Variants in GRM7 observed in about 807,000 individuals in gnomAD.
The protein encoded by GRM7 is glutamate metabotropic receptor 7.
In GRM7, 35 loss-of-function variants were observed where a neutral mutation model predicts 84.5. The ratio of observed to expected loss-of-function variants is 0.41; its 90% CI spans 0.32 to 0.55. GRM7 has a LOEUF of 0.55. Among genes scored for constraint, GRM7 ranks in the 20% least tolerant of loss-of-function variants. The pLI is 0.19. For synonymous variants in GRM7, 487 were observed against 455.1 expected (o/e 1.07, Z -0.89); for missense variants, 1,003 against 1,194.6 (o/e 0.84, Z 2.36).
intron 1 of GRM7, among the ~76,000 whole-genome samples, chr3:7,034,594 G>A (rs1024611164): frequency 2.6e-5 from 4 of 152,116 alleles, no homozygotes; most frequent in African/African-American, 7.2e-5. Flanking sequence ...CCAGACTCTA[G>A]TAGTCATGTA....
intron 9 of GRM7, among the ~76,000 whole-genome samples, chr3:7,738,340 C>G (rs1452301582): frequency 6.6e-6 from 1 of 152,136 alleles, no homozygotes; most frequent in African/African-American, 2.4e-5. Flanking sequence ...TTGCTTGTTC[C>G]TCTGAGCCTC....
chr3:7,665,327 G>T (rs866295368), intron 8 of GRM7, among the ~76,000 whole-genome samples: 1 of 151,234 alleles, frequency 6.6e-6, no homozygotes, highest in Non-Finnish European at 1.5e-5. Flanking sequence ...GCCCGCCACC[G>T]CACCCGGCTA....
chr3:7,503,909 C>T (rs1699961930), intron 7 of GRM7, among the ~76,000 whole-genome samples: 1 of 152,038 alleles, frequency 6.6e-6, no homozygotes, highest in South Asian at 2.1e-4. Context: ...GCATTATTGC[C>T]TCACATGCTA....
At chr3:7,192,639 G>A (rs1024244407) in intron 2 of GRM7, among the ~76,000 whole-genome samples, 1 of 152,000 alleles carries the variant, frequency 6.6e-6, no homozygotes, top group Non-Finnish European at 1.5e-5. Flanking sequence ...GTTCCGATTT[G>A]TCCCTCTATC....
chr3:7,562,932 C>T (rs989155610), intron 7 of GRM7, among the ~76,000 whole-genome samples: 1 of 150,484 alleles, frequency 6.6e-6, no homozygotes, highest in African/African-American at 2.4e-5. Flanking sequence ...TCCTAAATAA[C>T]CTGTATAAAA....
intron 2 of GRM7, among the ~76,000 whole-genome samples, chr3:7,267,719 A>G (rs563214002): frequency 6.6e-6 from 1 of 152,286 alleles, no homozygotes; most frequent in African/African-American, 2.4e-5. Context: ...GGAAAGACGG[A>G]AAACGGGCAA....
chr3:7,440,343 C>A (rs573042831), intron 5 of GRM7, among the ~76,000 whole-genome samples: 1 of 152,208 alleles, frequency 6.6e-6, no homozygotes, highest in South Asian at 2.1e-4. Context: ...CTGGAAGTAA[C>A]GCAACATTTC....
At chr3:7,345,981 C>T (rs1323535673) in intron 4 of GRM7, among the ~76,000 whole-genome samples, 2 of 152,052 alleles carry the variant, frequency 1.3e-5, no homozygotes, top group South Asian at 2.1e-4. Context: ...AACTATGAAT[C>T]AAACTATATT....
chr3:7,007,765 A>T (rs1238884769), intron 1 of GRM7, among the ~76,000 whole-genome samples: 1 of 152,230 alleles, frequency 6.6e-6, no homozygotes, highest in South Asian at 2.1e-4. Context: ...TTCTTGAAGA[A>T]GAAAACACTA....
intron 1 of GRM7, among the ~76,000 whole-genome samples, chr3:7,070,636 G>C (rs1697839178): frequency 6.6e-6 from 1 of 151,996 alleles, no homozygotes; most frequent in South Asian, 2.1e-4. Flanking sequence ...CGGATGTCAA[G>C]GTGATTCCTT....
chr3:7,578,492 C>T lies in GRM7; in HGVS notation c.1586C>T (p.Pro529Leu). Residue 529 changes from proline (P) to leucine (L), a missense_variant, in exon 8 of 10, where the codon CCA (proline) becomes CTA (leucine). Pro to Leu is a moderately conservative substitution (Grantham distance 98). This residue lies in a region of GRM7 where 910 missense variants were observed against 1,126.0 expected (regional missense o/e 0.81). Transcript: ENST00000357716. ...TCAGTGTGCACACTACCATGTAAGC[C>T]AGGACAGAGAAAGAAGACACAGAAA... Reference protein sequence around the residue: ...PASVCTLPCKPGQRKKTQKGT... With the variant: ...PASVCTLPCKLGQRKKTQKGT... 1 of 1,613,898 alleles carries T rather than the reference C, an allele frequency of 6.2e-7. No individual in the cohort carries two copies. The highest frequency in any genetic ancestry group is 8.5e-7 in the Non-Finnish European group (1 of 1,179,868).
chr3:6,887,990 A>G (rs1695769987), intron 1 of GRM7, among the ~76,000 whole-genome samples: 1 of 152,154 alleles, frequency 6.6e-6, no homozygotes, highest in Non-Finnish European at 1.5e-5. Context: ...AGTGATGGTG[A>G]GCATTTTTTC....
At chr3:7,187,046 T>A (rs550887080) in intron 2 of GRM7, among the ~76,000 whole-genome samples, 10 of 152,204 alleles carry the variant, frequency 6.6e-5, no homozygotes, top group African/African-American at 2.2e-4. Context: ...AGCTCTTTGA[T>A]CACTCCAGTG....
chr3:7,728,599 G>T (rs904473343), intron 9 of GRM7, among the ~76,000 whole-genome samples: 1 of 152,162 alleles, frequency 6.6e-6, no homozygotes, highest in Admixed American at 6.5e-5. Context: ...AGGAGCACAG[G>T]ACTATCTTTA....
chr3:7,731,438 A>G (rs916728883), intron 9 of GRM7, among the ~76,000 whole-genome samples: 2 of 152,228 alleles, frequency 1.3e-5, no homozygotes, highest in East Asian at 3.9e-4. Flanking sequence ...AAGTTATATC[A>G]GTGAGAAAAT....
At chr3:7,297,903 A>G (rs1290117611) in intron 2 of GRM7, among the ~76,000 whole-genome samples, 1 of 152,226 alleles carries the variant, frequency 6.6e-6, no homozygotes, top group Non-Finnish European at 1.5e-5. Flanking sequence ...CAGGGAAGTA[A>G]GATGTATACG....
At chr3:7,472,153 T>C (rs191821014) in intron 7 of GRM7, among the ~76,000 whole-genome samples, 120 of 152,326 alleles carry the variant, frequency 7.9e-4, no homozygotes, top group African/African-American at 2.5e-3. Flanking sequence ...ACACACTGGC[T>C]TCTCATCACC....
At position 7,482,198 on chromosome 3, in the gene GRM7, G is replaced by GAAAAA. The variant is rs1286106823; in HGVS notation, c.1515+20480_1515+20481insAAAAA. On this transcript the variant is annotated intron_variant, in intron 7 of 9. Coordinates refer to ENST00000357716, the MANE Select transcript of GRM7 (RefSeq NM_000844.4). ...GTGAGACTCCATCTCAAACAAAAAC[G>GAAAAA]AAAACAAAAACAAAAAACAGAAATG... Among the ~76,000 whole-genome samples the GAAAAA allele has an allele frequency of 2.6e-5, 4 of 152,080 alleles. No homozygotes were observed. The East Asian group carries it at 7.7e-4, about 29-fold the overall frequency.
At chr3:7,446,984 A>T (rs1172241423) in intron 5 of GRM7, among the ~76,000 whole-genome samples, 1 of 135,848 alleles carries the variant, frequency 7.4e-6, no homozygotes, top group Non-Finnish European at 1.7e-5. Context: ...TTCTTGTGTA[A>T]TGCAACTGAC....
Sources: allele counts gnomAD v4.1 joint callset (sites outside exome capture counted in the v4.1 genomes callset), GRCh38; gene constraint gnomAD v4.1.1; regional missense constraint gnomAD v4.1.1; transcripts MANE v1.5; gene names NCBI Gene and HGNC (gene_info 2026-07-23, HGNC 2026-07-21).